The following ANKUB1 variants were observed in gnomAD, a reference collection of about 807,000 sequenced individuals.
ANKUB1 encodes the protein protein ANKUB1.
A neutral mutation model predicts 49.3 loss-of-function variants in ANKUB1; 42 were observed. That is an observed-to-expected ratio of 0.85 (90% CI 0.67 to 1.10). The LOEUF (loss-of-function observed/expected upper bound fraction) is 1.10. ANKUB1 is among the 50% of genes least tolerant of loss of function. ANKUB1 has a pLI of 0.00. For synonymous variants in ANKUB1, 222 were observed against 231.0 expected, an observed-to-expected ratio of 0.96 and a Z score of 0.35; for missense variants, 613 against 642.0, an observed-to-expected ratio of 0.95 and a Z score of 0.49.
intron 3 of ANKUB1, among the ~76,000 whole-genome samples, chr3:149,774,985 T>TA (rs1717530051): frequency 1.3e-5 from 2 of 152,212 alleles, no homozygotes; most frequent in Non-Finnish European, 2.9e-5. Context: ...CACTACCTTC[T>TA]ATAGAGCCTG....
chr3:149,791,047 A>C (rs2108284401), intron 1 of ANKUB1, 123 bp from the exon 2 acceptor site: 2 of 994,786 alleles, frequency 2.0e-6, no homozygotes, highest in African/African-American at 1.6e-5. Flanking sequence ...CAAAGGGAAG[A>C]AGTATTAAAT....
intron 2 of ANKUB1, among the ~76,000 whole-genome samples, chr3:149,790,032 G>A (rs1718291845): frequency 6.6e-6 from 1 of 152,168 alleles, no homozygotes; most frequent in African/African-American, 2.4e-5. Context: ...AGCGGAGAAT[G>A]TATACTTTCC....
Position 149,767,962 on chromosome 3 carries a change from C to A in ANKUB1, c.700G>T (p.Ala234Ser). The A allele has an allele frequency of 6.5e-7, 1 of 1,542,570 alleles. No individual in the cohort carries two copies. The highest frequency in any genetic ancestry group is 1.4e-5 in the African/African-American group (1 of 72,984). ...VHPYRAWCHE[A>S]LHADVSKCPI... is the part of the protein sequence containing the mutation. ...CATTTAGAGACATCTGCATGAAGGGCTTCATGGCACCATGCTCGATAGGGG... is the reference window on the plus strand; with the variant it reads ...CATTTAGAGACATCTGCATGAAGGGATTCATGGCACCATGCTCGATAGGGG... Residue 234 changes from alanine (A) to serine (S), a missense_variant, in exon 5 of 6, where the codon GCC becomes TCC. Physicochemically the swap from Ala to Ser is moderately conservative, Grantham distance 99. Transcript: ENST00000446160.
At chr3:149,774,293 C>A (rs746032050) in intron 3 of ANKUB1, among the ~76,000 whole-genome samples, 9 of 152,104 alleles carry the variant, frequency 5.9e-5, no homozygotes, top group Non-Finnish European at 1.2e-4. Flanking sequence ...TTCATTCATT[C>A]ATTCATTCAC....
At chr3:149,785,082 T>C (rs1411391336) in intron 2 of ANKUB1, among the ~76,000 whole-genome samples, 1 of 152,126 alleles carries the variant, frequency 6.6e-6, no homozygotes, top group Non-Finnish European at 1.5e-5. Flanking sequence ...ACTTTTGCAG[T>C]GCCTCATGCT....
intron 2 of ANKUB1, among the ~76,000 whole-genome samples, chr3:149,787,011 C>A (rs1021916627): frequency 1.3e-5 from 2 of 152,132 alleles, no homozygotes; most frequent in African/African-American, 4.8e-5. Context: ...TAGCATGATG[C>A]CTCCAGCTTT....
Position 149,767,723 on chromosome 3 carries a change from A to T in ANKUB1, c.939T>A (p.Tyr313Ter). ...TGAGGATCCATTGTTTTATTTTAATATAAATCCTCATTGGGACTGAAATTT... is the reference window on the plus strand; with the variant it reads ...TGAGGATCCATTGTTTTATTTTAATTTAAATCCTCATTGGGACTGAAATTT... ...FPKISVPMRI[Y>*]IKIKQWILRA... Residue 313 changes from tyrosine (Y) to a stop codon, truncating the protein, a stop_gained, in exon 5 of 6, where the codon TAT (tyrosine) becomes TAA (stop). Transcript: ENST00000446160. LOFTEE classifies it high-confidence loss of function. The T allele has an allele frequency of 6.4e-7, 1 of 1,551,654 alleles. No individual in the cohort carries two copies. The highest frequency in any genetic ancestry group is 8.7e-7 in the Non-Finnish European group (1 of 1,146,966).
chr3:149,781,493 C>T (rs1302541355), intron 2 of ANKUB1, among the ~76,000 whole-genome samples: 1 of 152,160 alleles, frequency 6.6e-6, no homozygotes, highest in Non-Finnish European at 1.5e-5. Context: ...GGCACCATCA[C>T]GGAATGCCCA....
intron 2 of ANKUB1, among the ~76,000 whole-genome samples, chr3:149,784,358 T>C (rs1025252829): frequency 1.3e-5 from 2 of 152,152 alleles, no homozygotes; most frequent in Non-Finnish European, 2.9e-5. Context: ...AGCATGGACA[T>C]GTGACAGGGT....
chr3:149,764,876 C>T (rs1286260221), intron 5 of ANKUB1, among the ~76,000 whole-genome samples: 1 of 150,736 alleles, frequency 6.6e-6, no homozygotes, highest in Non-Finnish European at 1.5e-5. Context: ...AAAAAAAGCA[C>T]ACTGGTAGTC....
At chr3:149,782,120 GCT>G (rs1194579669) in intron 2 of ANKUB1, among the ~76,000 whole-genome samples, 1 of 152,046 alleles carries the variant, frequency 6.6e-6, no homozygotes, top group Admixed American at 6.6e-5. Flanking sequence ...TTATGTAATA[GCT>G]CTTTTTTATT....
intron 1 of ANKUB1, among the ~76,000 whole-genome samples, chr3:149,791,772 C>G (rs1459535813): frequency 6.6e-6 from 1 of 152,132 alleles, no homozygotes; most frequent in Non-Finnish European, 1.5e-5. Context: ...GCTCTGTGAT[C>G]CTAGGTAAGA....
rs116004891 is a variant in ANKUB1 at position 149,761,738 on chromosome 3, A to G, written c.1506-125T>C. On this transcript the variant is annotated intron_variant, in intron 5 of 5. Transcript: ENST00000446160. ...CTAGTTTGTCTTGTCACATAGGTAG[A>G]TGTGAAATAGAAACAGTAATCTTTC... The G allele has an allele frequency of 2.1e-4, 220 of 1,032,790 alleles. No homozygotes were observed. In the African/African-American group the frequency reaches 2.9e-3, roughly 14 times the overall value. The allele number at this position is 1,032,790 out of a possible 1,614,324, so 64.0% of individuals were successfully genotyped here. A position where few individuals can be genotyped will look rare whatever the true frequency, so the allele number is the denominator to read the frequency against.
chr3:149,770,497 A>G (rs1476987429), intron 4 of ANKUB1, 63 bp downstream of exon 4: 2 of 1,220,428 alleles, frequency 1.6e-6, no homozygotes, highest in African/African-American at 1.5e-5. Flanking sequence ...GGCTCAAGGT[A>G]TGATGGAAGT....
chr3:149,786,373 T>C (rs1428673612), intron 2 of ANKUB1, among the ~76,000 whole-genome samples: 1 of 152,246 alleles, frequency 6.6e-6, no homozygotes, highest in East Asian at 1.9e-4. Context: ...GCTGCATAAA[T>C]GTCTTCTTTT....
intron 2 of ANKUB1, among the ~76,000 whole-genome samples, chr3:149,782,373 C>T (rs1010034925): frequency 6.6e-6 from 1 of 151,754 alleles, no homozygotes; most frequent in African/African-American, 2.4e-5. Context: ...GAATTCTCCT[C>T]CATTCCCAGC....
intron 4 of ANKUB1, among the ~76,000 whole-genome samples, chr3:149,769,326 C>A (rs1206630619): frequency 3.3e-5 from 5 of 152,166 alleles, no homozygotes; most frequent in African/African-American, 9.7e-5. Context: ...CCAGCTATAC[C>A]CGTTACACTT....
In ANKUB1 at chr3:149,780,262, A is replaced by T. The variant is rs1717796470; in HGVS notation, c.428T>A (p.Leu143His). The change falls in exon 3 of 6, where the codon CTC (leucine) becomes CAC (histidine). Residue 143 changes from leucine to histidine, a missense_variant. Coordinates refer to ENST00000446160, the MANE Select transcript of ANKUB1 (RefSeq NM_001144960.3). ...ACCAATATCAGTCTGGTAGTCCTTG[A>T]GGGTGTTGCAATCATACATCTCCAG... ...RGLEMYDCNT[L>H]KDYQTDIGTT... is the part of the protein sequence containing the mutation. 1 of 1,551,576 alleles carries T rather than the reference A, an allele frequency of 6.4e-7. No individual in the cohort carries two copies. Among genetic ancestry groups the T allele is most frequent in the South Asian group, 1.2e-5 (1 of 84,062 alleles).
At chr3:149,779,335 T>C (rs893232753) in intron 3 of ANKUB1, 1 of 145,788 alleles carries the variant, frequency 6.9e-6, no homozygotes, top group Non-Finnish European at 1.6e-5. Flanking sequence ...CTATTGTTTT[T>C]GTTTTTTGTT....
Sources: gnomAD v4.1 joint callset for allele counts (sites outside exome capture counted in the v4.1 genomes callset) on GRCh38, gnomAD v4.1.1 for gene constraint, MANE v1.5 for transcripts, NCBI Gene and HGNC (gene_info 2026-07-23, HGNC 2026-07-21) for gene names.